The following PPP2R2B variants were observed in gnomAD, a reference collection of about 807,000 sequenced individuals.
The protein encoded by PPP2R2B is serine/threonine-protein phosphatase 2A 55 kDa regulatory subunit B beta isoform.
PPP2R2B carries 5 observed loss-of-function variants against 46.0 expected under a neutral mutation model. That is an observed-to-expected ratio of 0.11 (90% CI 0.06 to 0.23). The LOEUF is 0.23. Ranked by LOEUF, PPP2R2B falls within the 10% of genes least tolerant of loss-of-function variation. The pLI, the probability that PPP2R2B is intolerant of heterozygous loss-of-function variation, is 1.00. For missense variants in PPP2R2B, 367 were observed against 575.0 expected, an observed-to-expected ratio of 0.64 and a Z score of 3.70; for synonymous variants, 215 against 206.7, an observed-to-expected ratio of 1.04 and a Z score of -0.34.
At chr5:146,593,142 G>A (rs1561750139) in intron 8 of PPP2R2B, 80 bp from the exon 9 acceptor site, 1 of 1,176,290 alleles carries the variant, frequency 8.5e-7, no homozygotes, top group South Asian at 1.2e-5. Context: ...CTTCTGATGT[G>A]AGCTGTTAAA....
chr5:146,658,829 C>A (rs1776510484), intron 5 of PPP2R2B, among the ~76,000 whole-genome samples: 1 of 152,114 alleles, frequency 6.6e-6, no homozygotes, highest in African/African-American at 2.4e-5. Flanking sequence ...CGCCCCCATC[C>A]CCAGATCATT....
At chr5:147,065,656 G>A (rs1371020924) in intron 2 of PPP2R2B, among the ~76,000 whole-genome samples, 1 of 152,028 alleles carries the variant, frequency 6.6e-6, no homozygotes, top group Non-Finnish European at 1.5e-5. Flanking sequence ...GAGGTTGAGG[G>A]ATTGGAGATA....
At chr5:146,980,997 G>T (rs1753147729) in intron 1 of PPP2R2B, among the ~76,000 whole-genome samples, 1 of 152,038 alleles carries the variant, frequency 6.6e-6, no homozygotes, top group Admixed American at 6.5e-5. Context: ...TAAATAAAAA[G>T]ATATCTACAT....
chr5:146,999,348 G>GC (rs1754062908), intron 1 of PPP2R2B, among the ~76,000 whole-genome samples: 1 of 152,172 alleles, frequency 6.6e-6, no homozygotes, highest in African/African-American at 2.4e-5. Flanking sequence ...AGTGAATATT[G>GC]CATTAGACCA....
At chr5:146,649,202 G>A (rs1158995755) in intron 6 of PPP2R2B, among the ~76,000 whole-genome samples, 1 of 152,114 alleles carries the variant, frequency 6.6e-6, no homozygotes, top group East Asian at 1.9e-4. Flanking sequence ...AGTTAGAGTA[G>A]GGGAGGCTGG....
At chr5:146,969,708 TTG>T (rs1752584183) in intron 1 of PPP2R2B, among the ~76,000 whole-genome samples, 1 of 152,208 alleles carries the variant, frequency 6.6e-6, no homozygotes, top group Non-Finnish European at 1.5e-5. Flanking sequence ...GATTGATTAT[TTG>T]TGTGTTTTTT....
intron 5 of PPP2R2B, among the ~76,000 whole-genome samples, chr5:146,684,917 C>T (rs1465352378): frequency 6.6e-6 from 1 of 152,152 alleles, no homozygotes; most frequent in African/African-American, 2.4e-5. Flanking sequence ...ATGTTCTAGG[C>T]AGAGTCCCCG....
intron 1 of PPP2R2B, among the ~76,000 whole-genome samples, chr5:147,035,491 C>T (rs1755993669): frequency 6.6e-6 from 1 of 152,126 alleles, no homozygotes; most frequent in African/African-American, 2.4e-5. Flanking sequence ...CTCTGAATTC[C>T]TTTGTCTTCT....
intron 2 of PPP2R2B, among the ~76,000 whole-genome samples, chr5:146,727,151 G>A (rs894792844): frequency 6.6e-6 from 1 of 151,810 alleles, no homozygotes; most frequent in African/African-American, 2.4e-5. Flanking sequence ...ACAAAAAACA[G>A]TGACAAGAAC....
intron 2 of PPP2R2B, among the ~76,000 whole-genome samples, chr5:146,809,286 C>T (rs777321684): frequency 2.0e-5 from 3 of 152,140 alleles, no homozygotes; most frequent in Non-Finnish European, 2.9e-5. Context: ...TCACAACTGT[C>T]TCTCTGACAG....
chr5:146,840,529 A>G (rs956670898), intron 2 of PPP2R2B, among the ~76,000 whole-genome samples: 1 of 152,222 alleles, frequency 6.6e-6, no homozygotes, highest in Admixed American at 6.5e-5. Flanking sequence ...GCCCTAGTAC[A>G]TCACTAAAAA....
intron 2 of PPP2R2B, among the ~76,000 whole-genome samples, chr5:146,825,783 CTG>C (rs1455019507): frequency 6.6e-6 from 1 of 152,200 alleles, no homozygotes; most frequent in Non-Finnish European, 1.5e-5. Flanking sequence ...ATTTTGCAAA[CTG>C]TGACATGCTA....
chr5:146,701,166 A>G (rs990414376), intron 2 of PPP2R2B, 24 bp from the exon 3 acceptor site: 7 of 1,553,642 alleles, frequency 4.5e-6, no homozygotes, highest in Non-Finnish European at 6.2e-6. Flanking sequence ...GACAAAGGCA[A>G]TTTAAGTAAC....
chr5:146,806,129 G>T (rs2151311604), intron 2 of PPP2R2B, among the ~76,000 whole-genome samples: 1 of 152,290 alleles, frequency 6.6e-6, no homozygotes, highest in East Asian at 1.9e-4. Flanking sequence ...AACATATGAA[G>T]AAGCTAGGGA....
At chr5:146,796,504 T>C (rs1756546345) in intron 2 of PPP2R2B, among the ~76,000 whole-genome samples, 1 of 152,206 alleles carries the variant, frequency 6.6e-6, no homozygotes, top group Non-Finnish European at 1.5e-5. Context: ...ATGTGCCATA[T>C]ACTGTGCCAA....
chr5:146,629,349 C>T (rs936106857), intron 7 of PPP2R2B, among the ~76,000 whole-genome samples: 5 of 152,170 alleles, frequency 3.3e-5, no homozygotes, highest in African/African-American at 1.2e-4. Flanking sequence ...CTTAGATTCT[C>T]CCTTTTCCAT....
chr5:146,857,923 G>A (rs1401355546), intron 2 of PPP2R2B, among the ~76,000 whole-genome samples: 3 of 152,126 alleles, frequency 2.0e-5, no homozygotes, highest in African/African-American at 7.2e-5. Flanking sequence ...CCGACCTCAG[G>A]TGATCCGCCT....
intron 2 of PPP2R2B, among the ~76,000 whole-genome samples, chr5:146,809,538 GA>G (rs1757394967): frequency 6.6e-6 from 1 of 152,168 alleles, no homozygotes; most frequent in Non-Finnish European, 1.5e-5. Flanking sequence ...GCCTTATTTA[GA>G]GGGAGTGGTC....
intron 2 of PPP2R2B, among the ~76,000 whole-genome samples, chr5:146,726,319 A>G (rs150316559): frequency 6.9e-4 from 105 of 152,296 alleles, no homozygotes; most frequent in African/African-American, 2.4e-3. Context: ...ACTAGATATG[A>G]CTGTCCTAGG....
Sources: allele counts gnomAD v4.1 joint callset (sites outside exome capture counted in the v4.1 genomes callset), GRCh38; gene constraint gnomAD v4.1.1; transcripts MANE v1.5; gene names NCBI Gene and HGNC (gene_info 2026-07-23, HGNC 2026-07-21).